RASSF8: variants seen among roughly 807,000 people sequenced by gnomAD.
The protein encoded by RASSF8 is Ras association domain family member 8.
RASSF8 carries 22 observed loss-of-function variants against 48.5 expected under a neutral mutation model. The ratio of observed to expected loss-of-function variants is 0.45; its 90% CI spans 0.32 to 0.65. RASSF8 has a LOEUF of 0.65. Among genes scored for constraint, RASSF8 ranks in the 30% least tolerant of loss-of-function variants. The pLI, the probability that RASSF8 is intolerant of heterozygous loss-of-function variation, is 0.03. For synonymous variants in RASSF8, 127 were observed against 171.5 expected (o/e 0.74, Z 2.03); for missense variants, 418 against 489.2 (o/e 0.85, Z 1.37).
At chr12:25,991,953 G>A (rs1048028220) in intron 1 of RASSF8, among the ~76,000 whole-genome samples, 2 of 152,170 alleles carry the variant, frequency 1.3e-5, no homozygotes, top group Non-Finnish European at 2.9e-5. Context: ...TATTGGTGGG[G>A]CTGCCCCAAT....
In RASSF8 at chr12:26,068,733, G is replaced by A. The variant is rs1191377421; in HGVS notation, c.1175G>A (p.Gly392Asp). 2.0e-6 allele frequency: 3 copies of A among 1,537,312 alleles called. No individual in the cohort carries two copies. The East Asian group carries it at 7.3e-5, about 38-fold the overall frequency. ...CAGTCTGGGTCCCTGAAGCGACCTG[G>A]TTCATCTCGGCAGCTCCCCAGTAAT... ...PFQSGSLKRP[G>D]SSRQLPSNLR... The change falls in exon 6 of 6, where the codon GGT (glycine) becomes GAT (aspartate). Residue 392 changes from glycine (G) to aspartate (D), a missense_variant. Transcript: ENST00000689635.
chr12:26,047,196 A>G (rs1213766107), intron 2 of RASSF8, among the ~76,000 whole-genome samples: 5 of 152,204 alleles, frequency 3.3e-5, no homozygotes, highest in African/African-American at 1.2e-4. Context: ...ATAATACTGC[A>G]GCAAGAAATG....
At chr12:26,028,459 T>C (rs1942962524) in intron 2 of RASSF8, among the ~76,000 whole-genome samples, 4 of 152,238 alleles carry the variant, frequency 2.6e-5, no homozygotes, top group African/African-American at 9.6e-5. Context: ...GGGATTTCCT[T>C]TGGTGCTACA....
downstream of RASSF8, among the ~76,000 whole-genome samples, chr12:26,074,039 T>C (rs1216660803): frequency 6.6e-6 from 1 of 151,880 alleles, no homozygotes; most frequent in Non-Finnish European, 1.5e-5. Context: ...AAAGATGAAA[T>C]GAGAAACTTA....
intron 2 of RASSF8, among the ~76,000 whole-genome samples, chr12:26,017,317 G>A (rs1284195056): frequency 6.6e-6 from 1 of 151,924 alleles, no homozygotes; most frequent in East Asian, 1.9e-4. Context: ...AATAGGGAAA[G>A]TTTAATGTAA....
intron 2 of RASSF8, among the ~76,000 whole-genome samples, chr12:26,027,079 A>G (rs1309194123): frequency 6.6e-6 from 1 of 152,272 alleles, no homozygotes; most frequent in Non-Finnish European, 1.5e-5. Flanking sequence ...TATTTACTAC[A>G]ATATGGATGA....
chr12:26,024,772 T>C (rs963663310), intron 2 of RASSF8, among the ~76,000 whole-genome samples: 9 of 151,624 alleles, frequency 5.9e-5, no homozygotes, highest in African/African-American at 2.2e-4. Flanking sequence ...CTGGCTAACA[T>C]GGTGAAACCT....
At chr12:26,051,662 C>T (rs1031745985) in intron 2 of RASSF8, among the ~76,000 whole-genome samples, 1 of 152,110 alleles carries the variant, frequency 6.6e-6, no homozygotes, top group Admixed American at 6.6e-5. Flanking sequence ...TTATGCACTG[C>T]TGATTAAAAC....
intron 2 of RASSF8, among the ~76,000 whole-genome samples, chr12:25,996,862 T>A (rs1942146272): frequency 6.6e-6 from 1 of 152,218 alleles, no homozygotes; most frequent in East Asian, 1.9e-4. Flanking sequence ...CCCTAAACCT[T>A]TCTGAATGAA....
rs114078678 is a variant in RASSF8, at chr12:26,028,983, C to T, written c.-108-26253C>T. Among the ~76,000 whole-genome samples the T allele has an allele frequency of 2.8e-3, 432 of 152,146 alleles. 3 individuals carry two copies. Among genetic ancestry groups the T allele is most frequent in the African/African-American group, 0.01 (416 of 41,496 alleles). On this transcript the variant is annotated intron_variant, in intron 2 of 5. Coordinates refer to ENST00000689635, the MANE Select transcript of RASSF8 (RefSeq NM_001394098.1). ...ACATGCAAAACTAATTGAAAAAAGC[C>T]GTATAAAATTTTACTGCAGTGTTAG...
intron 1 of RASSF8, chr12:25,973,733 G>GAACT: frequency 6.6e-6 from 1 of 152,242 alleles, no homozygotes; most frequent in South Asian, 2.1e-4. Flanking sequence ...TTATAAAAGA[G>GAACT]AACTATCTGT....
chr12:26,043,398 A>G (rs1471503602), intron 2 of RASSF8, among the ~76,000 whole-genome samples: 31 of 152,228 alleles, frequency 2.0e-4, no homozygotes, highest in Admixed American at 2.0e-3. Flanking sequence ...AAGATGATTA[A>G]GGGGTAGCAC....
At chr12:25,966,169 T>A (rs1941355512) in intron 1 of RASSF8, among the ~76,000 whole-genome samples, 1 of 152,266 alleles carries the variant, frequency 6.6e-6, no homozygotes, top group Non-Finnish European at 1.5e-5. Context: ...GTAAACATGC[T>A]GTTTCCTTTG....
At chr12:26,010,651 C>T (rs929651825) in intron 2 of RASSF8, among the ~76,000 whole-genome samples, 5 of 152,132 alleles carry the variant, frequency 3.3e-5, no homozygotes, top group Admixed American at 1.3e-4. Context: ...ATTTCCTTTC[C>T]CCCTTTATAT....
chr12:25,997,234 T>A (rs1273966471), intron 2 of RASSF8, among the ~76,000 whole-genome samples: 1 of 152,208 alleles, frequency 6.6e-6, no homozygotes, highest in Non-Finnish European at 1.5e-5. Context: ...CTGTTCTAGA[T>A]AGGACCGTAA....
At chr12:25,974,497 CTTTTT>C (rs5797154) in intron 1 of RASSF8, among the ~76,000 whole-genome samples, 1 of 146,656 alleles carries the variant, frequency 6.8e-6, no homozygotes. Flanking sequence ...ACTAAAATAC[CTTTTT>C]TTTTTTTTTT....
chr12:26,072,171 C>T lies in RASSF8; in HGVS notation c.*3353C>T, dbSNP rs1466813002. The T allele has an allele frequency of 5.1e-6, 5 of 978,622 alleles. No individual in the cohort carries two copies. The highest frequency in any genetic ancestry group is 6.1e-5 in the Admixed American group (1 of 16,272). 60.6% of individuals were successfully genotyped at this position (978,622 alleles called of 1,614,324 possible). On this transcript the variant is annotated 3_prime_UTR_variant, in exon 6 of 6. Transcript: ENST00000689635. The stretch of plus-strand genomic sequence containing the variant: ...ATGCTGTGTTCACATCCCTCTCCTA[C>T]CTAAAGTTGTCTTTATTGGTTTATA...
intron 1 of RASSF8, among the ~76,000 whole-genome samples, chr12:25,974,571 A>C (rs1941561670): frequency 6.6e-6 from 1 of 152,088 alleles, no homozygotes; most frequent in African/African-American, 2.4e-5. Flanking sequence ...AGTTAGTTCT[A>C]AAGCAATCCC....
intron 1 of RASSF8, among the ~76,000 whole-genome samples, chr12:25,992,931 G>C (rs1428172463): frequency 6.6e-6 from 1 of 152,226 alleles, no homozygotes; most frequent in African/African-American, 2.4e-5. Context: ...TTCAAAAGCA[G>C]TAGGATAATA....
Sources: allele counts gnomAD v4.1 joint callset (sites outside exome capture counted in the v4.1 genomes callset), GRCh38; gene constraint gnomAD v4.1.1; transcripts MANE v1.5; gene names NCBI Gene and HGNC (gene_info 2026-07-23, HGNC 2026-07-21).